PSD3: variants seen among roughly 807,000 people sequenced by gnomAD.
The protein encoded by PSD3 is PH and SEC7 domain-containing protein 3.
A neutral mutation model predicts 105.5 loss-of-function variants in PSD3; 49 were observed. The observed-to-expected ratio is 0.46, with a 90% CI of 0.37 to 0.59. The LOEUF (loss-of-function observed/expected upper bound fraction) is 0.59, where lower values mean the gene tolerates loss of function less well. PSD3 is among the 20% of genes least tolerant of loss of function. The pLI, the probability that PSD3 is intolerant of heterozygous loss-of-function variation, is 0.00. For synonymous variants in PSD3, 557 were observed against 457.8 expected (o/e 1.22, Z -2.77); for missense variants, 1,561 against 1,263.8 (o/e 1.24, Z -3.57).
chr8:18,821,715 A>ACACACACACACC (rs1812731881), intron 4 of PSD3, among the ~76,000 whole-genome samples: 1 of 140,786 alleles, frequency 7.1e-6, no homozygotes, highest in African/African-American at 2.7e-5. Flanking sequence ...ACACACACAC[A>ACACACACACACC]CACCCCAATA....
chr8:19,058,669 T>G (rs1200748716), intron 1 of PSD3, among the ~76,000 whole-genome samples: 1 of 152,048 alleles, frequency 6.6e-6, no homozygotes, highest in Non-Finnish European at 1.5e-5. Context: ...CTAAATTGGG[T>G]GATTAAGCAC....
At chr8:18,725,205 C>T (rs79862808) in intron 9 of PSD3, among the ~76,000 whole-genome samples, 2,789 of 152,148 alleles carry the variant, frequency 0.018, 97 homozygotes, top group African/African-American at 0.062. Flanking sequence ...AGGTCTAACG[C>T]GACGCAAGCC....
intron 12 of PSD3, among the ~76,000 whole-genome samples, chr8:18,596,751 C>T (rs1483436550): frequency 6.6e-6 from 1 of 151,898 alleles, no homozygotes; most frequent in Non-Finnish European, 1.5e-5. Context: ...TACTAGAAAC[C>T]TACAATCTAC....
chr8:18,834,379 G>T (rs1044195356), intron 4 of PSD3, among the ~76,000 whole-genome samples: 1 of 152,122 alleles, frequency 6.6e-6, no homozygotes, highest in Admixed American at 6.6e-5. Flanking sequence ...GTACCCATAA[G>T]AGAAAGATTA....
chr8:18,600,639 C>T (rs12548233), intron 11 of PSD3, among the ~76,000 whole-genome samples: 4 of 152,128 alleles, frequency 2.6e-5, no homozygotes, highest in Admixed American at 2.6e-4. Flanking sequence ...ATTTACAATG[C>T]TCCTACCAGG....
At chr8:19,018,475 C>T (rs892555574), upstream of PSD3, among the ~76,000 whole-genome samples, 6 of 151,912 alleles carry the variant, frequency 3.9e-5, no homozygotes, top group Non-Finnish European at 7.4e-5. Context: ...GTGCATTGCT[C>T]GTATATAAAT....
intron 15 of PSD3, among the ~76,000 whole-genome samples, chr8:18,553,046 C>T (rs1471729504): frequency 6.6e-6 from 1 of 151,832 alleles, no homozygotes; most frequent in Non-Finnish European, 1.5e-5. Flanking sequence ...GTAAATTTGG[C>T]TCACCATGAA....
chr8:18,865,632 C>A (rs1277068129), intron 4 of PSD3, among the ~76,000 whole-genome samples: 1 of 152,032 alleles, frequency 6.6e-6, no homozygotes, highest in Non-Finnish European at 1.5e-5. Flanking sequence ...CAGTGCTCAG[C>A]ACATGGTAGG....
chr8:19,034,381 T>A (rs1280189802), intron 1 of PSD3, among the ~76,000 whole-genome samples: 1 of 152,204 alleles, frequency 6.6e-6, no homozygotes, highest in East Asian at 1.9e-4. Context: ...TGGAAATCAT[T>A]GATTTCAACC....
chr8:18,544,197 A>C (rs1312162300), intron 15 of PSD3, among the ~76,000 whole-genome samples: 3 of 132,532 alleles, frequency 2.3e-5, no homozygotes, highest in Non-Finnish European at 3.3e-5. Context: ...AAAAAAAAAA[A>C]ACCAAACAAA....
chr8:18,829,228 G>T (rs550402000), intron 4 of PSD3, among the ~76,000 whole-genome samples: 1 of 152,240 alleles, frequency 6.6e-6, no homozygotes, highest in East Asian at 1.9e-4. Context: ...CAGTGAGAGA[G>T]ACCCTGTCTC....
At chr8:18,812,256 T>C (rs146590124) in intron 4 of PSD3, among the ~76,000 whole-genome samples, 2 of 152,288 alleles carry the variant, frequency 1.3e-5, no homozygotes, top group East Asian at 1.9e-4. Context: ...ACAATTTAAA[T>C]ATCCTGAGAA....
chr8:18,632,514 CAT>C (rs1372909946), intron 11 of PSD3, 97 bp downstream of exon 11: 1 of 1,323,824 alleles, frequency 7.6e-7, no homozygotes, highest in Non-Finnish European at 1.0e-6. Context: ...TATAGATAAA[CAT>C]AATTTTTTCA....
intron 9 of PSD3, among the ~76,000 whole-genome samples, chr8:18,699,448 C>T (rs1801447320): frequency 6.6e-6 from 1 of 152,180 alleles, no homozygotes; most frequent in South Asian, 2.1e-4. Flanking sequence ...CACCTAGTCA[C>T]AGTCAGGCAA....
intron 1 of PSD3, among the ~76,000 whole-genome samples, chr8:18,941,108 G>A (rs1204306273): frequency 6.6e-6 from 1 of 152,162 alleles, no homozygotes; most frequent in Non-Finnish European, 1.5e-5. Flanking sequence ...CAGACCCACA[G>A]AATTCAGACT....
intron 1 of PSD3, among the ~76,000 whole-genome samples, chr8:19,063,825 T>G: frequency 6.6e-6 from 1 of 152,078 alleles, no homozygotes; most frequent in Non-Finnish European, 1.5e-5. Flanking sequence ...GCAATTTCCT[T>G]GAAGCCTTAG....
At chr8:18,762,304 G>C (rs566473965) in intron 9 of PSD3, among the ~76,000 whole-genome samples, 8 of 152,190 alleles carry the variant, frequency 5.3e-5, no homozygotes, top group African/African-American at 1.7e-4. Context: ...CACTTAAGAT[G>C]TGCCTGCCTC....
At chr8:18,564,389 G>A (rs1801598365) in intron 14 of PSD3, among the ~76,000 whole-genome samples, 1 of 152,144 alleles carries the variant, frequency 6.6e-6, no homozygotes, top group African/African-American at 2.4e-5. Context: ...AACACTTTGG[G>A]AGGCCGATGC....
intron 6 of PSD3, 48 bp downstream of exon 6, chr8:18,804,467 TCTAAGAA>T: frequency 7.0e-7 from 1 of 1,431,030 alleles, no homozygotes; most frequent in Non-Finnish European, 9.7e-7. Flanking sequence ...TACTTTCTTC[TCTAAGAA>T]CTAATCATTT....
Sources: allele counts gnomAD v4.1 joint callset (sites outside exome capture counted in the v4.1 genomes callset), GRCh38; gene constraint gnomAD v4.1.1; transcripts MANE v1.5; gene names NCBI Gene and HGNC (gene_info 2026-07-23, HGNC 2026-07-21).